The following CORO2A variants were observed in gnomAD, a reference collection of about 807,000 sequenced individuals.
CORO2A encodes coronin 2A.
In CORO2A, 47 loss-of-function variants were observed where a neutral mutation model predicts 62.4. That is an observed-to-expected ratio of 0.75 (90% CI 0.60 to 0.96). The LOEUF (loss-of-function observed/expected upper bound fraction) is 0.96, where lower values mean the gene tolerates loss of function less well. CORO2A is among the 40% of genes least tolerant of loss of function. The probability of loss-of-function intolerance (pLI) is 0.00; values close to 1 mark genes in which losing one functional copy is unlikely to be tolerated. For synonymous variants in CORO2A, 273 were observed against 268.9 expected (o/e 1.02, Z -0.15); for missense variants, 610 against 684.1 (o/e 0.89, Z 1.21).
At chr9:98,172,065 AGGAGGGAGAG>A (rs1828044381) in intron 1 of CORO2A, among the ~76,000 whole-genome samples, 1 of 151,922 alleles carries the variant, frequency 6.6e-6, no homozygotes, top group South Asian at 2.1e-4. Context: ...CCCCATGAGG[AGGAGGGAGAG>A]AATTCTGAGG....
chr9:98,152,454 T>C (rs552259342), intron 2 of CORO2A, among the ~76,000 whole-genome samples: 14 of 152,154 alleles, frequency 9.2e-5, no homozygotes, highest in African/African-American at 3.4e-4. Flanking sequence ...TATGCCTGGT[T>C]AATTTTTGCA....
At chr9:98,184,102 G>A (rs2060186691) in intron 1 of CORO2A, among the ~76,000 whole-genome samples, 1 of 152,164 alleles carries the variant, frequency 6.6e-6, no homozygotes, top group South Asian at 2.1e-4. Flanking sequence ...TTATATCAGG[G>A]ATTTGAATAT....
intron 10 of CORO2A, among the ~76,000 whole-genome samples, chr9:98,127,710 A>G (rs1827345778): frequency 6.8e-6 from 1 of 146,346 alleles, no homozygotes; most frequent in Non-Finnish European, 1.5e-5. Flanking sequence ...GCTACTCAGG[A>G]GGCTGAGGCA....
intron 1 of CORO2A, among the ~76,000 whole-genome samples, chr9:98,173,934 T>C (rs949691955): frequency 8.6e-4 from 131 of 152,092 alleles, no homozygotes; most frequent in African/African-American, 3.0e-3. Flanking sequence ...CTGACCAACA[T>C]GGAGAAACCC....
At chr9:98,159,017 A>AATAC (rs1022008557) in intron 1 of CORO2A, among the ~76,000 whole-genome samples, 4 of 151,864 alleles carry the variant, frequency 2.6e-5, no homozygotes, top group Non-Finnish European at 5.9e-5. Flanking sequence ...GACCCTTCTG[A>AATAC]ATACCAAGCC....
At chr9:98,137,758 T>C (rs1393490847) in intron 2 of CORO2A, 70 bp from the exon 3 acceptor site, 6 of 1,134,538 alleles carry the variant, frequency 5.3e-6, no homozygotes, top group Non-Finnish European at 8.1e-6. Flanking sequence ...AGTCACATAG[T>C]CAGTTAGCAA....
At position 98,157,629 on chromosome 9, in the gene CORO2A, T is replaced by G; in HGVS notation, c.32A>C (p.Lys11Thr). 1 of 1,613,862 alleles carries G rather than the reference T, an allele frequency of 6.2e-7. No homozygotes were observed. The highest frequency in any genetic ancestry group is 1.1e-5 in the South Asian group (1 of 91,072). Residue 11 changes from lysine (K) to threonine (T), a missense_variant, in exon 2 of 12, where the codon AAG (lysine) becomes ACG (threonine). Physicochemically the swap from Lys to Thr is moderately conservative, Grantham distance 78. Coordinates refer to ENST00000375077, the MANE Select transcript of CORO2A (RefSeq NM_052820.4). ...TGGTTTGCCAAAGACATGACGGAAC[T>G]TGGAGCTCCGGTACTGGGGGTGCCA... is the stretch of plus-strand genomic sequence containing the variant. MSWHPQYRSS[K>T]FRHVFGKPAS... is the part of the protein sequence containing the mutation.
At chr9:98,184,556 G>A (rs74418414) in intron 1 of CORO2A, among the ~76,000 whole-genome samples, 1,875 of 152,126 alleles carry the variant, frequency 0.012, 42 homozygotes, top group African/African-American at 0.042. Context: ...TCTTCATGGC[G>A]GCCCCACAGT....
intron 1 of CORO2A, among the ~76,000 whole-genome samples, chr9:98,178,555 C>T (rs1828138795): frequency 6.6e-6 from 1 of 152,140 alleles, no homozygotes; most frequent in Admixed American, 6.5e-5. Flanking sequence ...ATTGGGATAA[C>T]TTGCCAAAAA....
intron 1 of CORO2A, among the ~76,000 whole-genome samples, chr9:98,189,456 G>T (rs746087766): frequency 1.3e-5 from 2 of 152,202 alleles, no homozygotes; most frequent in Admixed American, 6.5e-5. Flanking sequence ...AAATAGCAAA[G>T]GTTTAAGGCT....
chr9:98,156,754 T>C (rs1178411050), intron 2 of CORO2A, among the ~76,000 whole-genome samples: 2 of 152,234 alleles, frequency 1.3e-5, no homozygotes, highest in Admixed American at 1.3e-4. Context: ...CTTTGTGGAT[T>C]CATATTTCTC....
chr9:98,128,468 T>C, intron 9 of CORO2A, 139 bp downstream of exon 9: 1 of 804,474 alleles, frequency 1.2e-6, no homozygotes, highest in Non-Finnish European at 2.1e-6. Flanking sequence ...CCCACTGATG[T>C]CACACTGGCT....
chr9:98,151,147 A>G (rs1257088271), intron 2 of CORO2A, among the ~76,000 whole-genome samples: 1 of 152,202 alleles, frequency 6.6e-6, no homozygotes, highest in East Asian at 1.9e-4. Flanking sequence ...GGAGTTAATG[A>G]AAATTTATGA....
At chr9:98,180,694 C>T (rs1026708760) in intron 1 of CORO2A, among the ~76,000 whole-genome samples, 8 of 152,134 alleles carry the variant, frequency 5.3e-5, no homozygotes, top group Non-Finnish European at 7.4e-5. Context: ...CCCTCCTGAC[C>T]GCACCCTCCC....
chr9:98,182,125 T>C (rs11791479), intron 1 of CORO2A, among the ~76,000 whole-genome samples: 50,593 of 152,090 alleles, frequency 0.33, 9,817 homozygotes, highest in African/African-American at 0.55. Flanking sequence ...TGTCCATCTC[T>C]CGTTTGGTCT....
intron 2 of CORO2A, among the ~76,000 whole-genome samples, chr9:98,139,312 C>A (rs1051137987): frequency 6.6e-6 from 1 of 151,998 alleles, no homozygotes; most frequent in Non-Finnish European, 1.5e-5. Context: ...GGCAACAGGA[C>A]AAAACCCCGT....
chr9:98,190,818 G>A (rs913313353), intron 1 of CORO2A, among the ~76,000 whole-genome samples: 1 of 152,292 alleles, frequency 6.6e-6, no homozygotes, highest in Middle Eastern at 3.4e-3. Flanking sequence ...CCTGTGCGTC[G>A]GAGCTGGGCT....
chr9:98,184,869 C>T (rs1828219979), intron 1 of CORO2A, among the ~76,000 whole-genome samples: 3 of 152,286 alleles, frequency 2.0e-5, no homozygotes, highest in South Asian at 2.1e-4. Flanking sequence ...TTTCCCTAAC[C>T]CCTAGGGGCT....
At chr9:98,159,488 C>G (rs1410325201) in intron 1 of CORO2A, among the ~76,000 whole-genome samples, 2 of 151,852 alleles carry the variant, frequency 1.3e-5, no homozygotes, top group Non-Finnish European at 2.9e-5. Context: ...TAAACGGCAC[C>G]TTCCAGCTTC....
Sources: gnomAD v4.1 joint callset for allele counts (sites outside exome capture counted in the v4.1 genomes callset) on GRCh38, gnomAD v4.1.1 for gene constraint, MANE v1.5 for transcripts, NCBI Gene and HGNC (gene_info 2026-07-23, HGNC 2026-07-21) for gene names.